DPYD: variants seen among roughly 807,000 people sequenced by gnomAD.
The protein encoded by DPYD is dihydropyrimidine dehydrogenase [NADP(+)].
Under a neutral mutation model 116.2 loss-of-function variants are expected in DPYD, and 109 were observed. The ratio of observed to expected loss-of-function variants is 0.94; its 90% confidence interval spans 0.80 to 1.10. DPYD has a LOEUF of 1.10. DPYD is among the 50% of genes least tolerant of loss of function. The pLI is 0.00. For missense variants in DPYD, 1,302 were observed against 1,254.5 expected (o/e 1.04, Z -0.57); for synonymous variants, 440 against 432.0 (o/e 1.02, Z -0.23).
intron 13 of DPYD, among the ~76,000 whole-genome samples, chr1:97,464,112 G>A (rs1396547647): frequency 1.3e-5 from 2 of 151,874 alleles, no homozygotes; most frequent in African/African-American, 4.8e-5. Context: ...AGTGGTAGGT[G>A]CCTGTAATCA....
intron 13 of DPYD, among the ~76,000 whole-genome samples, chr1:97,509,289 C>T (rs1468981886): frequency 2.0e-5 from 3 of 151,952 alleles, no homozygotes; most frequent in Non-Finnish European, 4.4e-5. Flanking sequence ...ACATGTGGCC[C>T]TGGCTTTGGC....
At chr1:97,487,344 G>A (rs1047468112) in intron 13 of DPYD, among the ~76,000 whole-genome samples, 11 of 152,048 alleles carry the variant, frequency 7.2e-5, no homozygotes, top group African/African-American at 1.2e-4. Context: ...GTGAAAAGAC[G>A]TTCAATGTCA....
chr1:97,359,615 C>G (rs558806502), intron 16 of DPYD, among the ~76,000 whole-genome samples: 4 of 152,166 alleles, frequency 2.6e-5, no homozygotes, highest in Non-Finnish European at 5.9e-5. Context: ...GATCTCTCAG[C>G]AGAAACTCTA....
intron 16 of DPYD, among the ~76,000 whole-genome samples, chr1:97,362,192 C>T (rs1670768631): frequency 6.6e-6 from 1 of 152,192 alleles, no homozygotes; most frequent in Admixed American, 6.5e-5. Context: ...CATGAGCGAA[C>T]TCCCATTCAC....
chr1:97,258,813 G>GA (rs2100841049), intron 18 of DPYD, among the ~76,000 whole-genome samples: 1 of 152,276 alleles, frequency 6.6e-6, no homozygotes, highest in African/African-American at 2.4e-5. Flanking sequence ...AGAAGGACAA[G>GA]AAAGTGAAAG....
rs141808307 is a variant in DPYD, at chr1:97,686,296, A to T, written c.762+5421T>A. ...GCCATATGCAGAAAATTGAAACTAG[A>T]CCCCTTCCTTACACCTTATACAAAA... is the stretch of plus-strand genomic sequence containing the variant. On this transcript the variant is annotated intron_variant, in intron 7 of 22. Transcript: ENST00000370192. Among the ~76,000 whole-genome samples, 397 of 152,024 alleles carry T rather than the reference A, an allele frequency of 2.6e-3. 12 individuals carry two copies. The East Asian group carries it at 0.064, about 24-fold the overall frequency.
At chr1:97,107,267 C>T (rs1410400720) in intron 20 of DPYD, among the ~76,000 whole-genome samples, 4 of 152,088 alleles carry the variant, frequency 2.6e-5, no homozygotes, top group Non-Finnish European at 5.9e-5. Context: ...TTTAAAATTA[C>T]ATAGGAACTT....
intron 18 of DPYD, among the ~76,000 whole-genome samples, chr1:97,265,956 C>T (rs981995726): frequency 2.0e-5 from 3 of 152,130 alleles, no homozygotes; most frequent in Non-Finnish European, 4.4e-5. Flanking sequence ...ATGCATTCTA[C>T]AGCATTTTAA....
At chr1:97,859,303 G>A (rs1671001289) in intron 2 of DPYD, among the ~76,000 whole-genome samples, 2 of 152,112 alleles carry the variant, frequency 1.3e-5, no homozygotes, top group African/African-American at 4.8e-5. Context: ...GCATCTGAAA[G>A]CAATAACTAA....
At position 97,549,642 on chromosome 1, in the gene DPYD, T is replaced by A; in HGVS notation, c.1442A>T (p.Asp481Val). 2 of 1,613,862 alleles carry A rather than the reference T, an allele frequency of 1.2e-6. No homozygotes were observed. Among genetic ancestry groups the A allele is most frequent in the Middle Eastern group, 1.7e-4 (1 of 6,056 alleles). Residue 481 changes from aspartate to valine, a missense_variant, in exon 12 of 23, where the codon GAT (aspartate) becomes GTT (valine). Asp to Val is a radical substitution (Grantham distance 152). Transcript: ENST00000370192. ...TSEAWVFAGG[D>V]VVGLANTTVE... is the part of the protein sequence containing the mutation. ...TGTAGTGTTAGCCAAACCAACGACA[T>A]CACCACCTGCAAATACCCATGCTTC...
intron 8 of DPYD, among the ~76,000 whole-genome samples, chr1:97,641,070 C>T (rs749746242): frequency 2.0e-5 from 3 of 152,282 alleles, no homozygotes; most frequent in Non-Finnish European, 4.4e-5. Context: ...ACCTGTCTGG[C>T]ACATGGATGG....
At chr1:97,215,347 A>G (rs1660307464) in intron 19 of DPYD, among the ~76,000 whole-genome samples, 1 of 152,144 alleles carries the variant, frequency 6.6e-6, no homozygotes. Flanking sequence ...GTTCTCAGTG[A>G]CTTCCTGTTC....
At chr1:97,375,936 A>G (rs1468510559) in intron 15 of DPYD, among the ~76,000 whole-genome samples, 1 of 152,234 alleles carries the variant, frequency 6.6e-6, no homozygotes, top group East Asian at 1.9e-4. Context: ...AATTTTATAC[A>G]TATTTACATT....
intron 16 of DPYD, among the ~76,000 whole-genome samples, chr1:97,334,365 A>G (rs1669178042): frequency 6.6e-6 from 1 of 152,190 alleles, no homozygotes; most frequent in Non-Finnish European, 1.5e-5. Flanking sequence ...ACTGCTCCAG[A>G]TGTACAAGTG....
chr1:97,756,126 A>C (rs2101113299), intron 3 of DPYD, among the ~76,000 whole-genome samples: 1 of 152,276 alleles, frequency 6.6e-6, no homozygotes, highest in South Asian at 2.1e-4. Flanking sequence ...AAGCCAACCA[A>C]GGGGGAACAC....
At chr1:97,133,323 A>G (rs1456273515) in intron 20 of DPYD, among the ~76,000 whole-genome samples, 1 of 152,078 alleles carries the variant, frequency 6.6e-6, no homozygotes, top group African/African-American at 2.4e-5. Flanking sequence ...TCTGATAGTG[A>G]TAACATACAA....
intron 1 of DPYD, among the ~76,000 whole-genome samples, chr1:97,884,660 C>G (rs561441493): frequency 1.3e-5 from 2 of 152,108 alleles, no homozygotes; most frequent in South Asian, 4.1e-4. Flanking sequence ...TAATCTAGAT[C>G]CATTTTTCTG....
intron 20 of DPYD, among the ~76,000 whole-genome samples, chr1:97,140,006 CAA>C (rs1195579582): frequency 6.6e-6 from 1 of 151,456 alleles, no homozygotes; most frequent in Non-Finnish European, 1.5e-5. Context: ...GGTACTTGCC[CAA>C]AGAGGCAACT....
At chr1:97,476,193 T>C (rs1160588243) in intron 13 of DPYD, among the ~76,000 whole-genome samples, 1 of 152,192 alleles carries the variant, frequency 6.6e-6, no homozygotes, top group Non-Finnish European at 1.5e-5. Context: ...TTATTAATAC[T>C]GTACCTGCTG....
Sources: gnomAD v4.1 joint callset for allele counts (sites outside exome capture counted in the v4.1 genomes callset) on GRCh38, gnomAD v4.1.1 for gene constraint, MANE v1.5 for transcripts, NCBI Gene and HGNC (gene_info 2026-07-23, HGNC 2026-07-21) for gene names.